Variants in FBXL7 observed in about 807,000 individuals in gnomAD.
The protein encoded by FBXL7 is F-box and leucine rich repeat protein 7, also known as F-box/LRR-repeat protein 7.
FBXL7 carries 12 observed loss-of-function variants against 38.3 expected under a neutral mutation model. That is an observed-to-expected ratio of 0.31 (90% CI 0.20 to 0.51). FBXL7 has a LOEUF of 0.51. Among genes scored for constraint, FBXL7 ranks in the 20% least tolerant of loss-of-function variants. FBXL7 has a pLI of 0.98. For synonymous variants in FBXL7, 297 were observed against 300.9 expected, an observed-to-expected ratio of 0.99 and a Z score of 0.13; for missense variants, 567 against 676.4, an observed-to-expected ratio of 0.84 and a Z score of 1.79.
chr5:15,744,047 C>G (rs932961649), intron 2 of FBXL7, among the ~76,000 whole-genome samples: 1 of 152,206 alleles, frequency 6.6e-6, no homozygotes, highest in Non-Finnish European at 1.5e-5. Context: ...GCCTCCTAGG[C>G]CTCCAGGCCT....
At chr5:15,710,541 C>G (rs1405862941) in intron 2 of FBXL7, among the ~76,000 whole-genome samples, 1 of 152,178 alleles carries the variant, frequency 6.6e-6, no homozygotes, top group Non-Finnish European at 1.5e-5. Flanking sequence ...TTTCATACAG[C>G]TATCACCGTA....
chr5:15,846,056 A>G (rs931516703), intron 2 of FBXL7, among the ~76,000 whole-genome samples: 3 of 152,252 alleles, frequency 2.0e-5, no homozygotes, highest in Non-Finnish European at 2.9e-5. Context: ...TATATCCACT[A>G]TGGTGTGTGG....
chr5:15,829,325 G>A lies in FBXL7; in HGVS notation c.128-98565G>A, dbSNP rs186928125. On this transcript the variant is annotated intron_variant, in intron 2 of 3. Coordinates refer to ENST00000504595, the MANE Select transcript of FBXL7 (RefSeq NM_012304.5). The stretch of plus-strand genomic sequence containing the variant: ...TGTTTTTATTTGTTGTTTGTTTGCC[G>A]TTAGTCCCTGGAAATTTGTAACTGC... Among the ~76,000 whole-genome samples the A allele has an allele frequency of 3.5e-3, 526 of 152,054 alleles. 6 individuals are homozygous for A. The highest frequency in any genetic ancestry group is 0.012 in the African/African-American group (507 of 41,462).
At chr5:15,877,683 T>A (rs1740266784) in intron 2 of FBXL7, among the ~76,000 whole-genome samples, 1 of 152,168 alleles carries the variant, frequency 6.6e-6, no homozygotes, top group South Asian at 2.1e-4. Flanking sequence ...TAATATTAAT[T>A]TTTAGTCTAC....
chr5:15,615,915 C>T lies in FBXL7; in HGVS notation c.38-68C>T, dbSNP rs945361734. On this transcript the variant is annotated intron_variant, in intron 1 of 3. Coordinates refer to ENST00000504595, the MANE Select transcript of FBXL7 (RefSeq NM_012304.5). Reference sequence around the variant, plus strand: ...CTGGTGATATGGCTTGCTGTGGGACCGAGTGGAAGGCATGGTCCAGGTCTG... The same window carrying T: ...CTGGTGATATGGCTTGCTGTGGGACTGAGTGGAAGGCATGGTCCAGGTCTG... 6.3e-5 allele frequency: 63 copies of T among 993,244 alleles called. No homozygotes were observed. The African/African-American group carries it at 7.6e-4, about 12-fold the overall frequency. The allele number at this position is 993,244 out of a possible 1,614,324, so 61.5% of individuals were successfully genotyped here.
intron 2 of FBXL7, among the ~76,000 whole-genome samples, chr5:15,762,305 A>G (rs1183486213): frequency 1.3e-5 from 2 of 152,064 alleles, no homozygotes; most frequent in African/African-American, 4.8e-5. Context: ...CGGAAGTTAT[A>G]GCCTTTTATA....
chr5:15,646,464 T>C (rs1580431461), intron 2 of FBXL7, among the ~76,000 whole-genome samples: 2 of 152,298 alleles, frequency 1.3e-5, no homozygotes, highest in Admixed American at 1.3e-4. Context: ...TTTCACCAAG[T>C]TGAGCTGGAA....
intron 2 of FBXL7, among the ~76,000 whole-genome samples, chr5:15,874,770 A>T (rs1254489953): frequency 6.6e-6 from 1 of 152,242 alleles, no homozygotes; most frequent in Non-Finnish European, 1.5e-5. Flanking sequence ...GAGAGGACAC[A>T]AACAAATGGA....
In FBXL7 at chr5:15,555,217, C is replaced by G. The variant is rs145671595; in HGVS notation, c.37+54504C>G. ...AGACACACAGACAGACAGACAGACA[C>G]ACACACCCCCCACAGAACATCCAGT... On this transcript the variant is annotated intron_variant, in intron 1 of 3. Transcript: ENST00000504595. Among the ~76,000 whole-genome samples the G allele has an allele frequency of 3.9e-3, 592 of 152,312 alleles. 1 individual carries two copies. The highest frequency in any genetic ancestry group is 0.014 in the African/African-American group (563 of 41,580).
chr5:15,549,535 A>G (rs560946530), intron 1 of FBXL7, among the ~76,000 whole-genome samples: 2 of 152,318 alleles, frequency 1.3e-5, no homozygotes, highest in Non-Finnish European at 2.9e-5. Flanking sequence ...ATGAGAGGAA[A>G]CACTAATTTT....
intron 2 of FBXL7, among the ~76,000 whole-genome samples, chr5:15,873,383 GC>G (rs1347825532): frequency 6.6e-6 from 1 of 152,064 alleles, no homozygotes; most frequent in Non-Finnish European, 1.5e-5. Flanking sequence ...AAATTCAAAA[GC>G]CAGCAGAAGA....
chr5:15,858,440 G>A (rs1477966018), intron 2 of FBXL7, among the ~76,000 whole-genome samples: 1 of 152,122 alleles, frequency 6.6e-6, no homozygotes, highest in Non-Finnish European at 1.5e-5. Context: ...TCAGAAGAAA[G>A]CCAGTAGTTT....
At chr5:15,790,336 G>T (rs1579464636) in intron 2 of FBXL7, among the ~76,000 whole-genome samples, 1 of 152,200 alleles carries the variant, frequency 6.6e-6, no homozygotes, top group African/African-American at 2.4e-5. Flanking sequence ...CGCTTTGCTT[G>T]TCTGATGTTG....
At chr5:15,747,957 T>C (rs1206438856) in intron 2 of FBXL7, among the ~76,000 whole-genome samples, 1 of 152,242 alleles carries the variant, frequency 6.6e-6, no homozygotes, top group Non-Finnish European at 1.5e-5. Context: ...CACAAATGTC[T>C]AAACATTTTC....
At chr5:15,725,752 C>T (rs186362611) in intron 2 of FBXL7, among the ~76,000 whole-genome samples, 26 of 152,282 alleles carry the variant, frequency 1.7e-4, no homozygotes, top group Non-Finnish European at 3.5e-4. Flanking sequence ...TTCTCTGCCT[C>T]AGCCTTCCAA....
At chr5:15,756,617 T>A (rs568698089) in intron 2 of FBXL7, among the ~76,000 whole-genome samples, 18 of 152,204 alleles carry the variant, frequency 1.2e-4, no homozygotes, top group Non-Finnish European at 2.6e-4. Flanking sequence ...TCGTTTTTAT[T>A]AGCTGTGCTG....
Position 15,751,501 on chromosome 5 carries a change from G to A in FBXL7, c.127+135429G>A, listed in dbSNP as rs182945155. Among the ~76,000 whole-genome samples, 143 of 152,262 alleles carry A rather than the reference G, an allele frequency of 9.4e-4. 1 individual carries two copies. The highest frequency in any genetic ancestry group is 3.3e-3 in the African/African-American group (136 of 41,536). Reference sequence around the variant, plus strand: ...TTTGATTCAGAAAACCCTTGGCTATGTTTGTTTGAAATCTAAGGATTTTGA... The same window carrying A: ...TTTGATTCAGAAAACCCTTGGCTATATTTGTTTGAAATCTAAGGATTTTGA... On this transcript the variant is annotated intron_variant, in intron 2 of 3. Transcript: ENST00000504595.
At chr5:15,519,456 AC>A (rs1162491298) in intron 1 of FBXL7, among the ~76,000 whole-genome samples, 1 of 144,102 alleles carries the variant, frequency 6.9e-6, no homozygotes, top group Non-Finnish European at 1.5e-5. Flanking sequence ...AAAAAAAAAA[AC>A]AAACAAACAA....
intron 1 of FBXL7, among the ~76,000 whole-genome samples, chr5:15,565,254 C>G (rs1326383341): frequency 6.6e-6 from 1 of 152,022 alleles, no homozygotes; most frequent in East Asian, 1.9e-4. Context: ...TAGACTGTTT[C>G]TAACATAACA....
Sources: gnomAD v4.1 joint callset for allele counts (sites outside exome capture counted in the v4.1 genomes callset) on GRCh38, gnomAD v4.1.1 for gene constraint, MANE v1.5 for transcripts, NCBI Gene and HGNC (gene_info 2026-07-23, HGNC 2026-07-21) for gene names.